The following TACC1 variants were observed in gnomAD, a reference collection of about 807,000 sequenced individuals.
The protein encoded by TACC1 is transforming acidic coiled-coil-containing protein 1.
In TACC1, 48 loss-of-function variants were observed where a neutral mutation model predicts 84.4. The ratio of observed to expected loss-of-function variants is 0.57; its 90% CI spans 0.45 to 0.72. The LOEUF is 0.72. Among genes scored for constraint, TACC1 ranks in the 30% least tolerant of loss-of-function variants. TACC1 has a pLI of 0.00. For synonymous variants in TACC1, 372 were observed against 376.3 expected, an observed-to-expected ratio of 0.99 and a Z score of 0.13; for missense variants, 920 against 973.0, an observed-to-expected ratio of 0.95 and a Z score of 0.72.
chr8:38,747,367 G>A (rs1168391048), intron 3 of TACC1, among the ~76,000 whole-genome samples: 2 of 152,168 alleles, frequency 1.3e-5, no homozygotes, highest in African/African-American at 4.8e-5. Flanking sequence ...TTACCCAAAT[G>A]AGCTGAAAAC....
At chr8:38,823,428 A>T (rs1469684777) in intron 3 of TACC1, among the ~76,000 whole-genome samples, 3 of 152,328 alleles carry the variant, frequency 2.0e-5, no homozygotes, top group Non-Finnish European at 4.4e-5. Context: ...ATGCTTCTGC[A>T]TACTGAAGTT....
chr8:38,786,305 A>G (rs571280553), upstream of TACC1, among the ~76,000 whole-genome samples: 25 of 152,366 alleles, frequency 1.6e-4, 1 homozygote, highest in South Asian at 5.2e-3. Flanking sequence ...GCTATTTCCC[A>G]TTGCCTTCAA....
At chr8:38,768,019 G>C (rs1812583444) in intron 3 of TACC1, among the ~76,000 whole-genome samples, 2 of 151,132 alleles carry the variant, frequency 1.3e-5, no homozygotes, top group Admixed American at 6.6e-5. Context: ...AGTGAGATGA[G>C]ATTGTGCCAC....
At chr8:38,794,237 G>A (rs1229592564) in intron 2 of TACC1, among the ~76,000 whole-genome samples, 2 of 152,172 alleles carry the variant, frequency 1.3e-5, no homozygotes, top group African/African-American at 4.8e-5. Flanking sequence ...TCATTTAATA[G>A]AAGTACAAAC....
At chr8:38,761,193 G>A (rs1466712017) in intron 3 of TACC1, among the ~76,000 whole-genome samples, 1 of 152,288 alleles carries the variant, frequency 6.6e-6, no homozygotes, top group South Asian at 2.1e-4. Context: ...TATTTTTGGC[G>A]ATGTGGCCAA....
At chr8:38,804,988 T>C (rs550877563) in intron 2 of TACC1, among the ~76,000 whole-genome samples, 12 of 152,346 alleles carry the variant, frequency 7.9e-5, no homozygotes, top group East Asian at 1.9e-4. Context: ...GAAAGGGCAA[T>C]TAAAGTGATT....
At chr8:38,826,256 A>G (rs143637434) in intron 4 of TACC1, among the ~76,000 whole-genome samples, 398 of 152,330 alleles carry the variant, frequency 2.6e-3, no homozygotes, top group South Asian at 0.014. Flanking sequence ...CAAATGTGTA[A>G]CATTCTCCCT....
At chr8:38,768,883 C>T (rs1159462936) in intron 3 of TACC1, among the ~76,000 whole-genome samples, 2 of 129,680 alleles carry the variant, frequency 1.5e-5, no homozygotes, top group Admixed American at 7.6e-5. Flanking sequence ...GTATGTAAGA[C>T]TGTCGGGGGA....
chr8:38,743,717 T>G (rs114339825), intron 2 of TACC1, among the ~76,000 whole-genome samples: 4,770 of 152,274 alleles, frequency 0.031, 250 homozygotes, highest in African/African-American at 0.11. Context: ...ATGTTTATTT[T>G]TCTCTCCCAT....
rs530872403 is a variant in TACC1, at chr8:38,830,990, T to C, written c.1661-135T>C. On this transcript the variant is annotated intron_variant, in intron 5 of 12. Coordinates refer to ENST00000317827, the MANE Select transcript of TACC1 (RefSeq NM_006283.3). Reference sequence around the variant, plus strand: ...ACTCAACAAAATGCCAGCGCTCCTTTTAAATAAAATCTTAAAATGCTTTTC... The same window carrying C: ...ACTCAACAAAATGCCAGCGCTCCTTCTAAATAAAATCTTAAAATGCTTTTC... 12 of 742,648 alleles carry C rather than the reference T, an allele frequency of 1.6e-5. No individual in the cohort carries two copies. In the African/African-American group the frequency reaches 2.1e-4, roughly 13 times the overall value. 46.0% of individuals were successfully genotyped at this position (742,648 alleles called of 1,614,324 possible).
chr8:38,779,217 C>T (rs62505816), intron 3 of TACC1, among the ~76,000 whole-genome samples: 28,789 of 152,116 alleles, frequency 0.19, 3,406 homozygotes, highest in Non-Finnish European at 0.27. Flanking sequence ...TCAAGTTATC[C>T]TCCTGCCTCA....
At chr8:38,810,627 A>C (rs1181901359) in intron 2 of TACC1, among the ~76,000 whole-genome samples, 1 of 151,796 alleles carries the variant, frequency 6.6e-6, no homozygotes, top group African/African-American at 2.4e-5. Context: ...AATATTTAAA[A>C]TTTAAAATTA....
intron 3 of TACC1, among the ~76,000 whole-genome samples, chr8:38,775,667 C>T (rs114021665): frequency 0.013 from 1,905 of 152,272 alleles, 43 homozygotes; most frequent in African/African-American, 0.044. Flanking sequence ...AATATTCTCA[C>T]ATTGGAGTTT....
chr8:38,757,245 C>A, intron 3 of TACC1: 7 of 941,006 alleles, frequency 7.4e-6, no homozygotes, highest in South Asian at 2.0e-5. Context: ...CCCTTCCTCC[C>A]GCCCCACCGC....
chr8:38,800,974 G>T (rs1821217377), intron 2 of TACC1, among the ~76,000 whole-genome samples: 2 of 152,124 alleles, frequency 1.3e-5, no homozygotes, highest in African/African-American at 4.8e-5. Context: ...TTTGCATTTG[G>T]TTTTCATTTG....
At chr8:38,809,766 G>A (rs528661184) in intron 2 of TACC1, among the ~76,000 whole-genome samples, 1 of 152,260 alleles carries the variant, frequency 6.6e-6, no homozygotes, top group South Asian at 2.1e-4. Context: ...ATGAGTGTGG[G>A]ACCTACAGAA....
chr8:38,777,459 G>C (rs1292589582), intron 3 of TACC1, among the ~76,000 whole-genome samples: 1 of 152,150 alleles, frequency 6.6e-6, no homozygotes, highest in Non-Finnish European at 1.5e-5. Flanking sequence ...GGCCGGGAGA[G>C]GCTGGACATG....
intron 1 of TACC1, among the ~76,000 whole-genome samples, chr8:38,739,944 G>A (rs73611005): frequency 0.014 from 2,156 of 152,302 alleles, 58 homozygotes; most frequent in African/African-American, 0.049. Flanking sequence ...CAGTGGCCAG[G>A]ACTTTATCCT....
In TACC1 at chr8:38,819,859, C is replaced by G. The variant is rs146241259; in HGVS notation, c.615C>G (p.Leu205=). 62 of 1,613,792 alleles carry G rather than the reference C, an allele frequency of 3.8e-5. No individual in the cohort carries two copies. The highest frequency in any genetic ancestry group is 4.7e-5 in the Non-Finnish European group (56 of 1,180,040). The part of the protein sequence containing the change: ...AMTEGSMGVT[L]EASAEADLKA... Reference sequence around the variant, plus strand: ...CAGAAGGCAGCATGGGGGTCACCCTCGAGGCCTCCGCAGAAGCTGATCTAA... The same window carrying G: ...CAGAAGGCAGCATGGGGGTCACCCTGGAGGCCTCCGCAGAAGCTGATCTAA... Residue 205 remains leucine, a synonymous_variant, in exon 3 of 13, where the codon CTC becomes CTG. Transcript: ENST00000317827.
Sources: allele counts gnomAD v4.1 joint callset (sites outside exome capture counted in the v4.1 genomes callset), GRCh38; gene constraint gnomAD v4.1.1; transcripts MANE v1.5; gene names NCBI Gene and HGNC (gene_info 2026-07-23, HGNC 2026-07-21).